Variants in DOK6 observed in about 807,000 individuals in gnomAD.
DOK6 encodes the protein docking protein 6.
In DOK6, 22 loss-of-function variants were observed where a neutral mutation model predicts 44.0. The observed-to-expected ratio is 0.50, with a 90% CI of 0.36 to 0.71. The LOEUF is 0.71. Among genes scored for constraint, DOK6 ranks in the 30% least tolerant of loss-of-function variants. The pLI is 0.00. For missense variants in DOK6, 340 were observed against 416.4 expected (o/e 0.82, Z 1.60); for synonymous variants, 166 against 145.5 (o/e 1.14, Z -1.01).
chr18:69,829,608 G>T (rs1981844792), intron 7 of DOK6, among the ~76,000 whole-genome samples: 1 of 151,856 alleles, frequency 6.6e-6, no homozygotes, highest in South Asian at 2.1e-4. Context: ...AATTCCCAAT[G>T]AATTAAAGAG....
In DOK6 at chr18:69,441,608, T is replaced by C. The variant is rs139768802; in HGVS notation, c.66+40298T>C. Reference sequence around the variant, plus strand: ...AAATAACTTACATTTACAAGGTATTTCCAAATTAGATAATTATGTTCTTTG... The same window carrying C: ...AAATAACTTACATTTACAAGGTATTCCCAAATTAGATAATTATGTTCTTTG... On this transcript the variant is annotated intron_variant, in intron 1 of 7. Transcript: ENST00000382713. Among the ~76,000 whole-genome samples the C allele has an allele frequency of 5.3e-3, 806 of 152,270 alleles. 15 individuals are homozygous for C. Among genetic ancestry groups the C allele is most frequent in the African/African-American group, 0.018 (759 of 41,554 alleles).
intron 1 of DOK6, among the ~76,000 whole-genome samples, chr18:69,439,235 T>G (rs11665014): frequency 0.23 from 34,459 of 152,170 alleles, 4,216 homozygotes; most frequent in Middle Eastern, 0.39. Flanking sequence ...TAAACAGATA[T>G]GCTGTCATCC....
chr18:69,708,347 G>A (rs757951905), intron 5 of DOK6, among the ~76,000 whole-genome samples: 11 of 152,242 alleles, frequency 7.2e-5, no homozygotes, highest in East Asian at 1.9e-4. Context: ...CTCCGACTCC[G>A]CTTCTGCATG....
intron 1 of DOK6, among the ~76,000 whole-genome samples, chr18:69,424,352 A>G (rs942363777): frequency 2.6e-5 from 4 of 152,248 alleles, no homozygotes; most frequent in Middle Eastern, 3.4e-3. Flanking sequence ...TAAAAGTTGC[A>G]TTTCTCTGCA....
At chr18:69,541,948 A>G (rs1046297170) in intron 1 of DOK6, among the ~76,000 whole-genome samples, 3 of 151,576 alleles carry the variant, frequency 2.0e-5, no homozygotes, top group African/African-American at 7.3e-5. Context: ...AAGTAAATAA[A>G]TAATTTTAAA....
chr18:69,519,350 C>A (rs1193440767), intron 1 of DOK6, among the ~76,000 whole-genome samples: 1 of 151,862 alleles, frequency 6.6e-6, no homozygotes. Context: ...TAGCCACTTA[C>A]TAGTCAGACT....
intron 1 of DOK6, among the ~76,000 whole-genome samples, chr18:69,503,420 G>A (rs1157139580): frequency 6.6e-6 from 1 of 152,080 alleles, no homozygotes; most frequent in African/African-American, 2.4e-5. Context: ...ACCTGAAAGA[G>A]ATTGAGGAGG....
chr18:69,720,595 A>T (rs760041204), intron 5 of DOK6, among the ~76,000 whole-genome samples: 4 of 152,188 alleles, frequency 2.6e-5, no homozygotes, highest in African/African-American at 4.8e-5. Context: ...ATTTTTTGCC[A>T]CGATTTACAT....
intron 5 of DOK6, among the ~76,000 whole-genome samples, chr18:69,702,651 A>G (rs1199975291): frequency 2.0e-5 from 3 of 152,238 alleles, no homozygotes; most frequent in South Asian, 2.1e-4. Flanking sequence ...GAATGGCTTC[A>G]TTGTTTGAAT....
chr18:69,681,763 AT>A (rs2144689154), intron 4 of DOK6, among the ~76,000 whole-genome samples: 1 of 152,364 alleles, frequency 6.6e-6, no homozygotes, highest in South Asian at 2.1e-4. Context: ...ACAACACATA[AT>A]AGCAATTGTG....
At chr18:69,829,149 G>A (rs1178402056) in intron 7 of DOK6, among the ~76,000 whole-genome samples, 1 of 149,124 alleles carries the variant, frequency 6.7e-6, no homozygotes, top group African/African-American at 2.5e-5. Context: ...GAACAGAGGT[G>A]GAAAAGAGGG....
intron 3 of DOK6, among the ~76,000 whole-genome samples, chr18:69,631,522 C>T (rs1470274394): frequency 1.3e-5 from 2 of 152,194 alleles, no homozygotes; most frequent in African/African-American, 4.8e-5. Flanking sequence ...GAGTCATGTA[C>T]AGTACATTAT....
chr18:69,684,970 G>A (rs1986119874), intron 4 of DOK6, among the ~76,000 whole-genome samples: 1 of 152,212 alleles, frequency 6.6e-6, no homozygotes, highest in African/African-American at 2.4e-5. Flanking sequence ...ATACAAATGA[G>A]ATAAGATGAC....
chr18:69,774,211 C>T (rs950933156), intron 7 of DOK6, among the ~76,000 whole-genome samples: 14 of 141,156 alleles, frequency 9.9e-5, no homozygotes, highest in African/African-American at 2.5e-4. Flanking sequence ...TGCAGCAACC[C>T]GGATAAGATT....
chr18:69,657,085 G>T (rs1456017290), intron 3 of DOK6, among the ~76,000 whole-genome samples: 1 of 152,156 alleles, frequency 6.6e-6, no homozygotes, highest in Non-Finnish European at 1.5e-5. Context: ...CAAATACGTA[G>T]GTTTTTCTAA....
intron 3 of DOK6, among the ~76,000 whole-genome samples, chr18:69,669,675 C>G (rs117414199): frequency 4.3e-4 from 65 of 152,252 alleles, no homozygotes; most frequent in African/African-American, 1.3e-3. Context: ...CCCGCACCCC[C>G]CCGCCGACCC....
intron 7 of DOK6, among the ~76,000 whole-genome samples, chr18:69,773,582 T>C (rs1430315234): frequency 6.6e-6 from 1 of 151,988 alleles, no homozygotes; most frequent in Admixed American, 6.6e-5. Flanking sequence ...AAATATGCCA[T>C]TCACAGAAGG....
intron 3 of DOK6, among the ~76,000 whole-genome samples, chr18:69,603,395 T>A (rs1282090711): frequency 6.6e-6 from 1 of 152,118 alleles, no homozygotes; most frequent in Non-Finnish European, 1.5e-5. Context: ...AGTCTATAGA[T>A]CATGTAAAAC....
chr18:69,643,706 A>G (rs1314381531), intron 3 of DOK6: 3 of 152,178 alleles, frequency 2.0e-5, no homozygotes, highest in Non-Finnish European at 2.9e-5. Context: ...TAAAACTGCT[A>G]TAGATATTCA....
Sources: allele counts gnomAD v4.1 joint callset (sites outside exome capture counted in the v4.1 genomes callset), GRCh38; gene constraint gnomAD v4.1.1; transcripts MANE v1.5; gene names NCBI Gene and HGNC (gene_info 2026-07-23, HGNC 2026-07-21).